DPP6: variants seen among roughly 807,000 people sequenced by gnomAD.
DPP6 encodes the protein dipeptidyl peptidase like 6, also known as A-type potassium channel modulatory protein DPP6.
In DPP6, 69 loss-of-function variants were observed where a neutral mutation model predicts 122.6. That is an observed-to-expected ratio of 0.56 (90% CI 0.46 to 0.69). The LOEUF is 0.69. Among genes scored for constraint, DPP6 ranks in the 30% least tolerant of loss-of-function variants. The pLI is 0.00. For synonymous variants in DPP6, 418 were observed against 433.1 expected (o/e 0.97, Z 0.43); for missense variants, 928 against 1,116.9 (o/e 0.83, Z 2.41).
intron 1 of DPP6, among the ~76,000 whole-genome samples, chr7:154,103,194 C>T (rs1319773474): frequency 8.5e-5 from 13 of 152,088 alleles, no homozygotes; most frequent in African/African-American, 2.7e-4. Context: ...AAGCTGATTC[C>T]GACAGAAGTG....
At chr7:154,407,831 T>C (rs1278974220) in intron 1 of DPP6, among the ~76,000 whole-genome samples, 1 of 152,176 alleles carries the variant, frequency 6.6e-6, no homozygotes, top group Non-Finnish European at 1.5e-5. Context: ...GATTATTACC[T>C]GCCTGTAGTA....
At chr7:154,044,091 A>G (rs1026127223) in intron 1 of DPP6, among the ~76,000 whole-genome samples, 2 of 152,056 alleles carry the variant, frequency 1.3e-5, no homozygotes, top group African/African-American at 4.8e-5. Flanking sequence ...GAGTGAGGGA[A>G]AAGGCTGATC....
At chr7:154,224,719 A>G (rs1417551968) in intron 1 of DPP6, among the ~76,000 whole-genome samples, 2 of 149,572 alleles carry the variant, frequency 1.3e-5, no homozygotes, top group Non-Finnish European at 2.9e-5. Flanking sequence ...AAATTTACCA[A>G]TACTAGGCAA....
chr7:154,258,208 T>C (rs1647334761), intron 1 of DPP6, among the ~76,000 whole-genome samples: 1 of 152,158 alleles, frequency 6.6e-6, no homozygotes, highest in Admixed American at 6.5e-5. Flanking sequence ...CCACTTTTCA[T>C]ACCTATCCAA....
chr7:154,162,192 G>A (rs56820113), intron 1 of DPP6, among the ~76,000 whole-genome samples: 7,027 of 150,720 alleles, frequency 0.047, 406 homozygotes, highest in African/African-American at 0.14. Flanking sequence ...GTGTTGGCCC[G>A]GGAACCCGCA....
chr7:153,862,573 A>G, the DPP6 span, among the ~76,000 whole-genome samples: 1 of 152,210 alleles, frequency 6.6e-6, no homozygotes, highest in African/African-American at 2.4e-5. Flanking sequence ...ATTTTGTTTC[A>G]GGCATCATAC....
rs779475790 is a variant in DPP6, at chr7:154,804,897, C to A, written c.1500-20C>A. 6.3e-7 allele frequency: 1 copy of A among 1,596,654 alleles called. No individual in the cohort carries two copies. Among genetic ancestry groups the A allele is most frequent in the Non-Finnish European group, 8.5e-7 (1 of 1,171,080 alleles). ...TGCCTTGGAGCAAACTAACCCTGTG[C>A]ACCTTGGTGATCTTTGCAGCTACTT... On this transcript the variant is annotated intron_variant, in intron 14 of 25. Transcript: ENST00000377770.
chr7:154,624,572 G>A lies in DPP6; in HGVS notation c.628-13249G>A, dbSNP rs1022151710. 2.0e-5 allele frequency among the ~76,000 whole-genome samples: 3 copies of A among 152,264 alleles called. No individual in the cohort carries two copies. Among genetic ancestry groups the A allele is most frequent in the Non-Finnish European group, 2.9e-5 (2 of 68,024 alleles). Reference sequence around the variant, plus strand: ...ATGTCAGGGCTCAGCATCTGCTTCCGAAGTTGTCACCAGGCATTTGTTCAG... The same window carrying A: ...ATGTCAGGGCTCAGCATCTGCTTCCAAAGTTGTCACCAGGCATTTGTTCAG... On this transcript the variant is annotated intron_variant, in intron 5 of 25. Transcript: ENST00000377770. This position sits in a 1 kb window ranked among gnomAD's most constrained non-coding sequence, Gnocchi z 4.7.
intron 2 of DPP6, among the ~76,000 whole-genome samples, chr7:154,458,219 A>G (rs1291222927): frequency 1.3e-5 from 2 of 152,132 alleles, no homozygotes; most frequent in African/African-American, 4.8e-5. Context: ...GTGGGAGGTA[A>G]TTGAATCATG....
At chr7:154,749,012 CGGGA>C (rs1563166045) in intron 8 of DPP6, among the ~76,000 whole-genome samples, 1 of 149,356 alleles carries the variant, frequency 6.7e-6, no homozygotes, top group African/African-American at 2.5e-5. Flanking sequence ...GAGGATAGGA[CGGGA>C]CAGGAGAGAG....
chr7:153,842,014 G>A, the DPP6 span, among the ~76,000 whole-genome samples: 1 of 152,170 alleles, frequency 6.6e-6, no homozygotes, highest in Admixed American at 6.5e-5. Context: ...TGATCCAGTG[G>A]CAAAGAAGAA....
intron 1 of DPP6, among the ~76,000 whole-genome samples, chr7:154,198,747 A>C (rs959616108): frequency 6.6e-6 from 1 of 152,212 alleles, no homozygotes; most frequent in African/African-American, 2.4e-5. Flanking sequence ...ACATATGTGC[A>C]TGTGGATATC....
intron 3 of DPP6, among the ~76,000 whole-genome samples, chr7:154,524,970 T>C (rs940203692): frequency 2.6e-5 from 4 of 152,170 alleles, no homozygotes; most frequent in Admixed American, 2.0e-4. Context: ...CTGGCTCATT[T>C]TGGGGAGAAT....
intron 16 of DPP6, among the ~76,000 whole-genome samples, chr7:154,843,933 G>A (rs1393718896): frequency 6.6e-6 from 1 of 152,256 alleles, no homozygotes; most frequent in Non-Finnish European, 1.5e-5. Flanking sequence ...CTCCCTAAGA[G>A]TAAATGCTTT....
chr7:154,180,134 A>G (rs55842144), intron 1 of DPP6, among the ~76,000 whole-genome samples: 63,753 of 151,776 alleles, frequency 0.42, 15,389 homozygotes, highest in African/African-American at 0.68. Context: ...GATCACCTGA[A>G]GCCAGGAGTT....
At chr7:154,315,765 G>T (rs1242577792) in intron 1 of DPP6, among the ~76,000 whole-genome samples, 2 of 152,074 alleles carry the variant, frequency 1.3e-5, no homozygotes, top group East Asian at 1.9e-4. Flanking sequence ...AAAGGAATAT[G>T]GTTCTGTCCT....
At chr7:153,940,121 G>A (rs1801630527) in intron 1 of DPP6, among the ~76,000 whole-genome samples, 1 of 152,162 alleles carries the variant, frequency 6.6e-6, no homozygotes, top group African/African-American at 2.4e-5. Flanking sequence ...TCTGTCTGCA[G>A]GGAACAGGCT....
rs534608302 is a variant in DPP6 at position 154,125,712 on chromosome 7, G to A, written c.243+72649G>A. Among the ~76,000 whole-genome samples, 77 of 152,304 alleles carry A rather than the reference G, an allele frequency of 5.1e-4. 1 individual carries two copies. Among genetic ancestry groups the A allele is most frequent in the African/African-American group, 1.8e-3 (74 of 41,564 alleles). ...CCTTGGGCTTACGGATGACCCCTGT[G>A]GCTAGAGGCGAGGGTGAAGATAATG... On this transcript the variant is annotated intron_variant, in intron 1 of 25. Transcript: ENST00000377770.
chr7:154,484,219 G>C (rs1220359069), intron 3 of DPP6, among the ~76,000 whole-genome samples: 1 of 152,180 alleles, frequency 6.6e-6, no homozygotes, highest in Non-Finnish European at 1.5e-5. Flanking sequence ...CTTACATGCA[G>C]ACAGCTTTCC....
Sources: gnomAD v4.1 joint callset for allele counts (sites outside exome capture counted in the v4.1 genomes callset) on GRCh38, gnomAD v4.1.1 for gene constraint, Gnocchi (gnomAD v3.1) non-coding constraint, MANE v1.5 for transcripts, NCBI Gene and HGNC (gene_info 2026-07-23, HGNC 2026-07-21) for gene names.